Variants in PRPSAP2 observed in about 807,000 individuals in gnomAD.
The protein encoded by PRPSAP2 is phosphoribosyl pyrophosphate synthetase associated protein 2.
PRPSAP2 carries 24 observed loss-of-function variants against 40.6 expected under a neutral mutation model. The ratio of observed to expected loss-of-function variants is 0.59; its 90% CI spans 0.43 to 0.83. The LOEUF (loss-of-function observed/expected upper bound fraction) is 0.83. Among genes scored for constraint, PRPSAP2 ranks in the 40% least tolerant of loss-of-function variants. The pLI, the probability that PRPSAP2 is intolerant of heterozygous loss-of-function variation, is 0.00. For missense variants in PRPSAP2, 292 were observed against 465.6 expected, an observed-to-expected ratio of 0.63 and a Z score of 3.43; for synonymous variants, 149 against 164.7, an observed-to-expected ratio of 0.90 and a Z score of 0.73.
intron 10 of PRPSAP2, among the ~76,000 whole-genome samples, chr17:18,926,123 C>G (rs767043690): frequency 6.6e-6 from 1 of 151,842 alleles, no homozygotes; most frequent in African/African-American, 2.4e-5. Context: ...AAATCTCTCA[C>G]GTCACCCTCC....
chr17:18,928,305 T>C (rs993873550), intron 10 of PRPSAP2: 1 of 168,352 alleles, frequency 5.9e-6, no homozygotes, highest in Non-Finnish European at 1.3e-5. Flanking sequence ...ATTTTTTCCA[T>C]TGTAATAACA....
At chr17:18,910,336 C>T (rs183619742) in intron 8 of PRPSAP2, among the ~76,000 whole-genome samples, 6 of 152,082 alleles carry the variant, frequency 3.9e-5, no homozygotes, top group African/African-American at 7.2e-5. Context: ...GCAGGAGAAT[C>T]GCTTGAACCC....
chr17:18,908,504 C>T, intron 8 of PRPSAP2: 1 of 759,260 alleles, frequency 1.3e-6, no homozygotes, highest in Non-Finnish European at 2.5e-6. Flanking sequence ...GCTCCTGAAA[C>T]ACAAGGAGAA....
chr17:18,857,592 TGTA>T (rs2036670500), upstream of PRPSAP2, among the ~76,000 whole-genome samples: 6 of 149,596 alleles, frequency 4.0e-5, no homozygotes, highest in South Asian at 2.1e-4. Context: ...TTTTTTTTTT[TGTA>T]TTTTTAGTAG....
intron 6 of PRPSAP2, among the ~76,000 whole-genome samples, chr17:18,878,543 T>A (rs949373909): frequency 6.6e-6 from 1 of 152,124 alleles, no homozygotes; most frequent in East Asian, 1.9e-4. Context: ...TGTATAAGTG[T>A]ATATGATTTT....
rs141334524 is a variant in PRPSAP2, at chr17:18,876,946, G to A, written c.240-752G>A. 9.9e-4 allele frequency among the ~76,000 whole-genome samples: 151 copies of A among 152,288 alleles called. 1 individual carries two copies. Among genetic ancestry groups the A allele is most frequent in the African/African-American group, 3.6e-3 (148 of 41,580 alleles). On this transcript the variant is annotated intron_variant, in intron 5 of 11. Transcript: ENST00000268835. Reference sequence around the variant, plus strand: ...AGATCCTCAAGTTTGGACTGGAGTTGTAAATTTGAGAGTTGCCACCATCTA... The same window carrying A: ...AGATCCTCAAGTTTGGACTGGAGTTATAAATTTGAGAGTTGCCACCATCTA...
At chr17:18,871,653 C>CTTTTTT (rs142523345) in intron 4 of PRPSAP2, among the ~76,000 whole-genome samples, 36 of 129,812 alleles carry the variant, frequency 2.8e-4, no homozygotes, top group East Asian at 1.6e-3. Context: ...ATATAATTTT[C>CTTTTTT]TTTTTTTTTT....
Position 18,930,695 on chromosome 17 carries a change from C to A in PRPSAP2, c.1107C>A (p.Asp369Glu). ...TTTTCAGAAACATAGGCTTAGATGACTGAGTTTTCCTTTAGGAAAACTCCC... is the reference window on the plus strand; with the variant it reads ...TTTTCAGAAACATAGGCTTAGATGAATGAGTTTTCCTTTAGGAAAACTCCC... Reference protein sequence around the residue: ...SYLFRNIGLDD With the variant: ...SYLFRNIGLDE Residue 369 changes from aspartate (D) to glutamate (E), a missense_variant, in exon 12 of 12, where the codon GAC (aspartate) becomes GAA (glutamate). Coordinates refer to ENST00000268835, the MANE Select transcript of PRPSAP2 (RefSeq NM_002767.4). 6.2e-7 allele frequency: 1 copy of A among 1,607,808 alleles called. No individual in the cohort carries two copies. The highest frequency in any genetic ancestry group is 8.5e-7 in the Non-Finnish European group (1 of 1,176,760).
chr17:18,919,183 T>C (rs190177636), intron 9 of PRPSAP2, among the ~76,000 whole-genome samples: 1 of 151,840 alleles, frequency 6.6e-6, no homozygotes, highest in Admixed American at 6.6e-5. Flanking sequence ...CTGGGCAACA[T>C]AGCACAACCC....
intron 9 of PRPSAP2, among the ~76,000 whole-genome samples, chr17:18,918,457 C>T (rs577517449): frequency 8.5e-5 from 13 of 152,288 alleles, no homozygotes; most frequent in African/African-American, 2.9e-4. Flanking sequence ...AAGACACTAG[C>T]CTGACTACCA....
At chr17:18,904,186 G>A (rs1458254904) in intron 8 of PRPSAP2, 2 of 152,146 alleles carry the variant, frequency 1.3e-5, no homozygotes, top group Non-Finnish European at 2.9e-5. Context: ...GAGTTAATAA[G>A]CATCAAAGAA....
chr17:18,874,248 C>G (rs184792071), intron 5 of PRPSAP2, among the ~76,000 whole-genome samples: 69 of 152,238 alleles, frequency 4.5e-4, no homozygotes, highest in African/African-American at 1.5e-3. Context: ...TGTTTGTCCA[C>G]AAATGTCCCT....
intron 4 of PRPSAP2, among the ~76,000 whole-genome samples, chr17:18,870,391 G>A (rs147836428): frequency 1.3e-5 from 2 of 152,014 alleles, no homozygotes; most frequent in East Asian, 1.9e-4. Context: ...AGGGCGAGAT[G>A]TGTCCCAAAA....
rs1438717703 is a variant in PRPSAP2, at chr17:18,889,826, C to T, written c.533C>T (p.Pro178Leu). The change falls in exon 8 of 12, where the codon CCA becomes CTA. Residue 178 changes from proline to leucine, a missense_variant. Pro to Leu is a moderately conservative substitution (Grantham distance 98). Coordinates refer to ENST00000268835, the MANE Select transcript of PRPSAP2 (RefSeq NM_002767.4). ...CTGACTTCTTGTCTGTCACAGATCC[C>T]AGATTACAGGAATGCAGTAATCGTG... ...FLLQYIQEEI[P>L]DYRNAVIVAK... 6.8e-6 allele frequency: 11 copies of T among 1,607,990 alleles called. No individual in the cohort carries two copies. In the South Asian group the frequency reaches 1.0e-4, roughly 15 times the overall value.
chr17:18,894,957 GGGGAGAACT>G (rs2039822900), intron 8 of PRPSAP2, among the ~76,000 whole-genome samples: 1 of 152,134 alleles, frequency 6.6e-6, no homozygotes, highest in African/African-American at 2.4e-5. Context: ...AGATCAGATT[GGGGAGAACT>G]GGCATCTTGA....
intron 6 of PRPSAP2, among the ~76,000 whole-genome samples, chr17:18,881,842 A>ATT (rs368088976): frequency 3.1e-4 from 41 of 131,728 alleles, no homozygotes; most frequent in African/African-American, 1.1e-3. Flanking sequence ...CATGAGAGCA[A>ATT]TTTTTTTTTT....
rs557289670 is a variant in PRPSAP2, at chr17:18,892,211, T to G, written c.584+2334T>G. Among the ~76,000 whole-genome samples the G allele has an allele frequency of 3.2e-4, 48 of 152,338 alleles. 1 individual carries two copies. The South Asian group carries it at 6.0e-3, about 19-fold the overall frequency. On this transcript the variant is annotated intron_variant, in intron 8 of 11. Transcript: ENST00000268835. ...ATTGCATTGTATGTGTATACTAGTT[T>G]GTTTATCCATTCATCTGTTGATGGA...
chr17:18,875,580 A>AG (rs1414038622), intron 5 of PRPSAP2, among the ~76,000 whole-genome samples: 1 of 151,518 alleles, frequency 6.6e-6, no homozygotes, highest in East Asian at 1.9e-4. Flanking sequence ...AAAAAAAAAA[A>AG]AGGCTGGGCG....
chr17:18,891,488 A>C (rs2039542118), intron 8 of PRPSAP2, among the ~76,000 whole-genome samples: 1 of 152,254 alleles, frequency 6.6e-6, no homozygotes, highest in Admixed American at 6.5e-5. Flanking sequence ...TTAGAATGTA[A>C]ACATTTCAAA....
Sources: gnomAD v4.1 joint callset for allele counts (sites outside exome capture counted in the v4.1 genomes callset) on GRCh38, gnomAD v4.1.1 for gene constraint, MANE v1.5 for transcripts, NCBI Gene and HGNC (gene_info 2026-07-23, HGNC 2026-07-21) for gene names.